LSM3: variants seen among roughly 807,000 people sequenced by gnomAD.
The protein encoded by LSM3 is U6 snRNA-associated Sm-like protein LSm3.
LSM3 carries 14 observed loss-of-function variants against 15.4 expected under a neutral mutation model. The observed-to-expected ratio is 0.91, with a 90% CI of 0.60 to 1.42. LSM3 has a LOEUF of 1.42. Among genes scored for constraint, LSM3 ranks in the 40% most tolerant of loss-of-function variants. The pLI is 0.00. For synonymous variants in LSM3, 46 were observed against 45.1 expected (o/e 1.02, Z -0.08); for missense variants, 88 against 127.9 (o/e 0.69, Z 1.50).
chr3:14,187,451 T>C (rs539392408), intron 3 of LSM3, among the ~76,000 whole-genome samples: 2 of 152,342 alleles, frequency 1.3e-5, no homozygotes, highest in African/African-American at 4.8e-5. Context: ...ATTGAATCTT[T>C]GGATGACTGA....
At chr3:14,194,089 G>C (rs1360345127) in intron 3 of LSM3, among the ~76,000 whole-genome samples, 1 of 152,222 alleles carries the variant, frequency 6.6e-6, no homozygotes, top group Non-Finnish European at 1.5e-5. Context: ...ACCAGCGGAG[G>C]CTGCAGAGCA....
intron 1 of LSM3, 82 bp downstream of exon 1, chr3:14,178,963 G>C: frequency 6.9e-7 from 1 of 1,453,850 alleles, no homozygotes; most frequent in South Asian, 1.1e-5. Context: ...ATGGCCAGTC[G>C]TGCCTCCTCT....
Position 14,178,847 on chromosome 3 carries a change from G to C in LSM3, c.-14G>C. 6.2e-7 allele frequency: 1 copy of C among 1,614,200 alleles called. No individual in the cohort carries two copies. ...GTTCTCGCGAGAGGCGGGAAAGGGC[G>C]CAGGGTTTGAAACATGGCGGACGAC... On this transcript the variant is annotated 5_prime_UTR_variant, in exon 1 of 4. Transcript: ENST00000306024.
intron 3 of LSM3, among the ~76,000 whole-genome samples, chr3:14,188,275 CAT>C (rs1697108594): frequency 1.3e-5 from 2 of 152,270 alleles, no homozygotes; most frequent in East Asian, 1.9e-4. Context: ...TAGTGGCACT[CAT>C]ATTAGAGCAG....
chr3:14,191,434 G>A (rs1283999786), intron 3 of LSM3, among the ~76,000 whole-genome samples: 1 of 152,090 alleles, frequency 6.6e-6, no homozygotes, highest in Non-Finnish European at 1.5e-5. Context: ...TGGTTGGTAG[G>A]CTATTAATTA....
rs1697223454 is a variant in LSM3, at chr3:14,200,294, T to G, written c.*2178T>G. 1.3e-5 allele frequency: 2 copies of G among 152,344 alleles called. No individual in the cohort carries two copies. Among genetic ancestry groups the G allele is most frequent in the South Asian group, 4.1e-4 (2 of 4,830 alleles). 9.4% of individuals were successfully genotyped at this position (152,344 alleles called of 1,614,324 possible). A position where few individuals can be genotyped will look rare whatever the true frequency, so the allele number is the denominator to read the frequency against. ...GGAAATGGAGGGAGGGGAGGCAATG[T>G]GTGAGTCCTTTTGGAGCTGGGACTC... On this transcript the variant is annotated 3_prime_UTR_variant, in exon 4 of 4. Transcript: ENST00000306024.
intron 3 of LSM3, among the ~76,000 whole-genome samples, chr3:14,194,745 A>T (rs993885388): frequency 7.2e-6 from 1 of 138,238 alleles, no homozygotes; most frequent in African/African-American, 2.7e-5. Context: ...AAAATTTAAT[A>T]CTTTTCTCTG....
At chr3:14,194,419 T>C (rs1029085407) in intron 3 of LSM3, among the ~76,000 whole-genome samples, 3 of 152,224 alleles carry the variant, frequency 2.0e-5, no homozygotes, top group Non-Finnish European at 4.4e-5. Context: ...TTTTATCTTT[T>C]TCTTATGTGG....
intron 3 of LSM3, among the ~76,000 whole-genome samples, chr3:14,189,209 A>C (rs1161388456): frequency 2.0e-5 from 3 of 152,136 alleles, no homozygotes; most frequent in Admixed American, 1.3e-4. Flanking sequence ...TCATTGATGC[A>C]CATTTGGGTT....
intron 3 of LSM3, 55 bp downstream of exon 3, chr3:14,184,087 A>T: frequency 1.3e-6 from 2 of 1,556,172 alleles, no homozygotes; most frequent in Non-Finnish European, 1.7e-6. Context: ...TCTCTCTCGA[A>T]CAGCTTAACC....
chr3:14,189,828 TTTG>T (rs1168575763), intron 3 of LSM3, among the ~76,000 whole-genome samples: 1 of 152,208 alleles, frequency 6.6e-6, no homozygotes, highest in East Asian at 1.9e-4. Flanking sequence ...AATTTTGGCT[TTTG>T]TTGCCATTGC....
intron 3 of LSM3, among the ~76,000 whole-genome samples, chr3:14,193,583 G>T (rs1367959806): frequency 6.6e-6 from 1 of 152,090 alleles, no homozygotes; most frequent in Non-Finnish European, 1.5e-5. Context: ...ATTGATACTT[G>T]TTTATTCTTT....
In LSM3 at chr3:14,189,676, T is replaced by C. The variant is rs146153940; in HGVS notation, c.228+5644T>C. On this transcript the variant is annotated intron_variant, in intron 3 of 3. Transcript: ENST00000306024. ...TTTTTTTCTTGTAGATGTGTTTAAGTCCTTTGTAGATTCTGGATATTAGCC... is the reference window on the plus strand; with the variant it reads ...TTTTTTTCTTGTAGATGTGTTTAAGCCCTTTGTAGATTCTGGATATTAGCC... Among the ~76,000 whole-genome samples the C allele has an allele frequency of 7.4e-3, 1,120 of 152,308 alleles. 15 individuals carry two copies. Among genetic ancestry groups the C allele is most frequent in the African/African-American group, 0.025 (1,059 of 41,560 alleles).
In LSM3 at chr3:14,200,648, T is replaced by A. The variant is rs2305843; in HGVS notation, c.*2532T>A. The A allele has an allele frequency of 6.6e-6, 1 of 152,038 alleles. No homozygotes were observed. The highest frequency in any genetic ancestry group is 2.4e-5 in the African/African-American group (1 of 41,360). The allele number at this position is 152,038 out of a possible 1,614,324, so 9.4% of individuals were successfully genotyped here. A position where few individuals can be genotyped will look rare whatever the true frequency, so the allele number is the denominator to read the frequency against. ...CCCACAAAGAAAAATGGACAAAATATGGGACCACATCTTTGAGATGAAATG... is the reference window on the plus strand; with the variant it reads ...CCCACAAAGAAAAATGGACAAAATAAGGGACCACATCTTTGAGATGAAATG... On this transcript the variant is annotated 3_prime_UTR_variant, in exon 4 of 4. Transcript: ENST00000306024.
intron 3 of LSM3, among the ~76,000 whole-genome samples, chr3:14,190,365 A>G (rs1697128258): frequency 6.6e-6 from 1 of 152,158 alleles, no homozygotes; most frequent in African/African-American, 2.4e-5. Context: ...ATAGCATTAA[A>G]TCTATAAATT....
chr3:14,182,155 T>A (rs1697045411), intron 2 of LSM3, among the ~76,000 whole-genome samples: 1 of 152,188 alleles, frequency 6.6e-6, no homozygotes, highest in Non-Finnish European at 1.5e-5. Context: ...AGGAGTTCTC[T>A]GTGTTGCCAG....
At chr3:14,180,288 T>TC (rs2125055706) in intron 1 of LSM3, among the ~76,000 whole-genome samples, 1 of 152,208 alleles carries the variant, frequency 6.6e-6, no homozygotes, top group Admixed American at 6.5e-5. Flanking sequence ...CCTTTTTTTT[T>TC]CTATTCTTTT....
At position 14,200,163 on chromosome 3, in the gene LSM3, T is replaced by C. The variant is rs1450927575; in HGVS notation, c.*2047T>C. The C allele has an allele frequency of 6.6e-6, 1 of 152,058 alleles. No homozygotes were observed. Among genetic ancestry groups the C allele is most frequent in the African/African-American group, 2.4e-5 (1 of 41,324 alleles). The allele number at this position is 152,058 out of a possible 1,614,324, so 9.4% of individuals were successfully genotyped here. A position where few individuals can be genotyped will look rare whatever the true frequency, so the allele number is the denominator to read the frequency against. ...TTAATATCTGACACTGTTACTCTCA[T>C]ATGCACACACAACTAAAACATACCA... On this transcript the variant is annotated 3_prime_UTR_variant, in exon 4 of 4. Transcript: ENST00000306024.
chr3:14,182,240 A>G (rs989485758), intron 2 of LSM3, among the ~76,000 whole-genome samples: 3 of 152,198 alleles, frequency 2.0e-5, no homozygotes, highest in African/African-American at 7.2e-5. Context: ...CTGTATGTTT[A>G]CACATATACA....
Sources: allele counts gnomAD v4.1 joint callset (sites outside exome capture counted in the v4.1 genomes callset), GRCh38; gene constraint gnomAD v4.1.1; transcripts MANE v1.5; gene names NCBI Gene and HGNC (gene_info 2026-07-23, HGNC 2026-07-21).